The following ARMC1 variants were observed in gnomAD, a reference collection of about 807,000 sequenced individuals.
The protein encoded by ARMC1 is armadillo repeat-containing protein 1.
In ARMC1, 16 loss-of-function variants were observed where a neutral mutation model predicts 31.4. The observed-to-expected ratio is 0.51, with a 90% CI of 0.34 to 0.77. The LOEUF (loss-of-function observed/expected upper bound fraction) is 0.77. Among genes scored for constraint, ARMC1 ranks in the 30% least tolerant of loss-of-function variants. The pLI is 0.01. For missense variants in ARMC1, 259 were observed against 347.5 expected, an observed-to-expected ratio of 0.75 and a Z score of 2.02; for synonymous variants, 114 against 118.9, an observed-to-expected ratio of 0.96 and a Z score of 0.27.
chr8:65,630,294 T>C (rs1808614295), intron 1 of ARMC1, among the ~76,000 whole-genome samples: 1 of 152,176 alleles, frequency 6.6e-6, no homozygotes. Flanking sequence ...CCCATAAATA[T>C]ATACAACTAT....
chr8:65,607,225 G>A (rs1197632659), intron 4 of ARMC1, among the ~76,000 whole-genome samples: 1 of 152,216 alleles, frequency 6.6e-6, no homozygotes, highest in East Asian at 1.9e-4. Flanking sequence ...ACCCTGCTCT[G>A]CAGGGGCCTG....
chr8:65,622,718 A>AAG (rs901173658), intron 2 of ARMC1, among the ~76,000 whole-genome samples: 7 of 151,248 alleles, frequency 4.6e-5, no homozygotes, highest in African/African-American at 1.7e-4. Context: ...CTCAAAAGAA[A>AAG]AAAAAAAGGT....
chr8:65,605,228 A>G lies in ARMC1; in HGVS notation c.657+35T>C, dbSNP rs200384979. 6.5e-6 allele frequency: 10 copies of G among 1,549,430 alleles called. No homozygotes were observed. The Admixed American group carries it at 1.1e-4, about 17-fold the overall frequency. Reference sequence around the variant, plus strand: ...TAGCCATAAAAAATAATTGAGAGTGAGTTGGATATAAAGAAAATTAAACAC... The same window carrying G: ...TAGCCATAAAAAATAATTGAGAGTGGGTTGGATATAAAGAAAATTAAACAC... On this transcript the variant is annotated intron_variant, in intron 6 of 6. Coordinates refer to ENST00000276569, the MANE Select transcript of ARMC1 (RefSeq NM_018120.6).
At chr8:65,608,382 A>G (rs898857085) in intron 4 of ARMC1, among the ~76,000 whole-genome samples, 12 of 152,046 alleles carry the variant, frequency 7.9e-5, no homozygotes, top group African/African-American at 2.9e-4. Flanking sequence ...CAAAAAAATT[A>G]GCGGGGCGTG....
Position 65,625,245 on chromosome 8 carries a change from G to A in ARMC1, c.183+1971C>T, listed in dbSNP as rs987311663. 3.9e-5 allele frequency among the ~76,000 whole-genome samples: 6 copies of A among 152,162 alleles called. No homozygotes were observed. In the East Asian group the frequency reaches 7.7e-4, roughly 20 times the overall value. ...CTTCCTATTCAGCCTAGTATCTACT[G>A]TATATCATTTCAACCAATCCTGCCA... On this transcript the variant is annotated intron_variant, in intron 2 of 6. Coordinates refer to ENST00000276569, the MANE Select transcript of ARMC1 (RefSeq NM_018120.6).
rs1001829984 is a variant in ARMC1, at chr8:65,621,942, A to AT, written c.275+320dup. ...TAATTTTTCTCTACCTAAAATTGAAATTTTTTTTTTTTTGAGATGGAATCT... is the reference window on the plus strand; with the variant it reads ...TAATTTTTCTCTACCTAAAATTGAAATTTTTTTTTTTTTTGAGATGGAATCT... On this transcript the variant is annotated intron_variant, in intron 3 of 6. Coordinates refer to ENST00000276569, the MANE Select transcript of ARMC1 (RefSeq NM_018120.6). Among the ~76,000 whole-genome samples the AT allele has an allele frequency of 8.6e-3, 1,266 of 147,880 alleles. 8 individuals are homozygous for AT. The highest frequency in any genetic ancestry group is 0.027 in the African/African-American group (1,079 of 40,658).
At position 65,613,240 on chromosome 8, in the gene ARMC1, T is replaced by C; in HGVS notation, c.465+4A>G. ...ATTTCTCTTTCCCATCTAACAGACC[T>C]TACCGTATCATCAAGGCCATCTATA... On this transcript the variant is annotated splice_donor_region_variant and intron_variant, in intron 4 of 6. Coordinates refer to ENST00000276569, the MANE Select transcript of ARMC1 (RefSeq NM_018120.6). 1 of 1,595,092 alleles carries C rather than the reference T, an allele frequency of 6.3e-7. No individual in the cohort carries two copies. The highest frequency in any genetic ancestry group is 8.5e-7 in the Non-Finnish European group (1 of 1,172,760).
At chr8:65,607,590 G>T (rs890179983) in intron 4 of ARMC1, among the ~76,000 whole-genome samples, 1 of 152,086 alleles carries the variant, frequency 6.6e-6, no homozygotes, top group South Asian at 2.1e-4. Flanking sequence ...AAAAAGTTTT[G>T]CTTTTTGGTC....
rs1251792783 is a variant in ARMC1 at position 65,602,681 on chromosome 8, C to T, written c.*1713G>A. On this transcript the variant is annotated 3_prime_UTR_variant, in exon 7 of 7. Transcript: ENST00000276569. ...ATGTGTGGCAATGCAAAATAAAATA[C>T]AAATTTGTTAGAACAGTAAAGTTTG... 6.6e-6 allele frequency: 1 copy of T among 152,054 alleles called. No individual in the cohort carries two copies. Among genetic ancestry groups the T allele is most frequent in the Non-Finnish European group, 1.5e-5 (1 of 67,994 alleles). The allele number at this position is 152,054 out of a possible 1,614,324, so 9.4% of individuals were successfully genotyped here.
At chr8:65,627,484 G>T in intron 1 of ARMC1, 51 bp from the exon 2 acceptor site, 1 of 1,065,372 alleles carries the variant, frequency 9.4e-7, no homozygotes, top group Non-Finnish European at 1.3e-6. Context: ...GTATATTATA[G>T]CACTTGTGAA....
rs1027009505 is a variant in ARMC1 at position 65,625,888 on chromosome 8, T to C, written c.183+1328A>G. On this transcript the variant is annotated intron_variant, in intron 2 of 6. Transcript: ENST00000276569. The stretch of plus-strand genomic sequence containing the variant: ...CCAAAACATTAATTTTTTTAACAAC[T>C]TTTTTTTTTTTTTTTTTGAGACGGA... 2.2e-5 allele frequency among the ~76,000 whole-genome samples: 3 copies of C among 139,006 alleles called. No individual in the cohort carries two copies. The Admixed American group carries it at 2.2e-4, about 10-fold the overall frequency. The allele number at this position is 139,006 out of a possible 152,430, so 91.2% of individuals were successfully genotyped here.
In ARMC1 at chr8:65,627,403, T is replaced by C; in HGVS notation, c.-5A>G. 1 of 1,561,472 alleles carries C rather than the reference T, an allele frequency of 6.4e-7. No homozygotes were observed. The highest frequency in any genetic ancestry group is 8.7e-7 in the Non-Finnish European group (1 of 1,152,014). ...GGTGGAAGTGGAAGAATTCATCTTC[T>C]ATGCCATGCACATGAATAAAATCTT... On this transcript the variant is annotated 5_prime_UTR_variant, in exon 2 of 7. The change creates a new upstream start codon in the 5' untranslated region. Transcript: ENST00000276569.
intron 2 of ARMC1, among the ~76,000 whole-genome samples, chr8:65,624,497 T>TGAAAAAAAAAA (rs1217598853): frequency 4.1e-5 from 1 of 24,606 alleles, no homozygotes; most frequent in Non-Finnish European, 9.6e-5. Flanking sequence ...AGACTCCATC[T>TGAAAAAAAAAA]CAAAAAAAAA....
At chr8:65,631,915 G>A (rs74776773) in intron 1 of ARMC1, among the ~76,000 whole-genome samples, 6,273 of 118,008 alleles carry the variant, frequency 0.053, 194 homozygotes, top group Non-Finnish European at 0.075. Flanking sequence ...ATCTTCATAG[G>A]TTGGAAAAAA....
intron 1 of ARMC1, chr8:65,633,704 TTACCAAAGAA>T (rs1205014580): frequency 3.9e-5 from 6 of 152,208 alleles, no homozygotes; most frequent in African/African-American, 1.4e-4. Context: ...TAACAGAAAG[TTACCAAAGAA>T]TAACCTGGAG....
Position 65,613,306 on chromosome 8 carries a change from G to GA in ARMC1, c.402dup (p.Leu135SerfsTer19), listed in dbSNP as rs773038520. ...TTGGCACGTTTGTTTGTAGTTCCCA[G>GA]AAAAAATTGAGCTTTCCTTCGACGT... On this transcript the variant is annotated frameshift_variant, in exon 4 of 7. Coordinates refer to ENST00000276569, the MANE Select transcript of ARMC1 (RefSeq NM_018120.6). LOFTEE classifies it high-confidence loss of function. 1 of 1,611,938 alleles carries GA rather than the reference G, an allele frequency of 6.2e-7. No individual in the cohort carries two copies. The highest frequency in any genetic ancestry group is 1.3e-5 in the African/African-American group (1 of 74,816).
At chr8:65,611,118 G>A (rs1808131017) in intron 4 of ARMC1, among the ~76,000 whole-genome samples, 1 of 152,038 alleles carries the variant, frequency 6.6e-6, no homozygotes. Context: ...ATTTTTAGTA[G>A]AGATGGGATT....
chr8:65,604,111 G>T lies in ARMC1; in HGVS notation c.*283C>A. The T allele has an allele frequency of 3.7e-6, 1 of 270,390 alleles. No homozygotes were observed. The highest frequency in any genetic ancestry group is 7.0e-6 in the Non-Finnish European group (1 of 142,402). 16.7% of individuals were successfully genotyped at this position (270,390 alleles called of 1,614,324 possible). On this transcript the variant is annotated 3_prime_UTR_variant, in exon 7 of 7. Coordinates refer to ENST00000276569, the MANE Select transcript of ARMC1 (RefSeq NM_018120.6). ...AAAATGTAAAGCTGCACATACACAT[G>T]TGGTTTTAACAGTGGACCCATGGTT... is the stretch of plus-strand genomic sequence containing the variant.
intron 2 of ARMC1, among the ~76,000 whole-genome samples, chr8:65,623,927 A>C (rs1247604189): frequency 6.8e-6 from 1 of 147,300 alleles, no homozygotes; most frequent in Non-Finnish European, 1.5e-5. Flanking sequence ...CCTCCTGAGT[A>C]GCTGGGATTA....
Sources: gnomAD v4.1 joint callset for allele counts (sites outside exome capture counted in the v4.1 genomes callset) on GRCh38, gnomAD v4.1.1 for gene constraint, MANE v1.5 for transcripts, NCBI Gene and HGNC (gene_info 2026-07-23, HGNC 2026-07-21) for gene names.